The following DLGAP2 variants were observed in gnomAD, a reference collection of about 807,000 sequenced individuals.
DLGAP2 encodes the protein DLG associated protein 2.
DLGAP2 carries 26 observed loss-of-function variants against 100.3 expected under a neutral mutation model. The ratio of observed to expected loss-of-function variants is 0.26; its 90% CI spans 0.19 to 0.36. The LOEUF is 0.36. DLGAP2 is among the 10% of genes least tolerant of loss of function. DLGAP2 has a pLI of 1.00. For missense variants in DLGAP2, 1,858 were observed against 1,453.2 expected, an observed-to-expected ratio of 1.28 and a Z score of -4.53; for synonymous variants, 886 against 630.1, an observed-to-expected ratio of 1.41 and a Z score of -6.08.
At chr8:794,935 T>A (rs1308333888) in intron 1 of DLGAP2, among the ~76,000 whole-genome samples, 1 of 152,142 alleles carries the variant, frequency 6.6e-6, no homozygotes, top group Non-Finnish European at 1.5e-5. Context: ...GAGCTGCCAT[T>A]TGTGTTATGC....
chr8:1,161,988 T>A (rs891553095), intron 2 of DLGAP2, among the ~76,000 whole-genome samples: 1 of 152,222 alleles, frequency 6.6e-6, no homozygotes, highest in African/African-American at 2.4e-5. Context: ...CCTGCTAGAA[T>A]GCAGGTGCCT....
chr8:1,606,366 T>C (rs1796799081), intron 6 of DLGAP2, among the ~76,000 whole-genome samples: 1 of 152,164 alleles, frequency 6.6e-6, no homozygotes, highest in Non-Finnish European at 1.5e-5. Context: ...TTTTAGAACA[T>C]AAACTTTACA....
intron 2 of DLGAP2, among the ~76,000 whole-genome samples, chr8:1,218,990 T>C (rs1256722862): frequency 1.3e-5 from 2 of 152,208 alleles, no homozygotes; most frequent in Non-Finnish European, 2.9e-5. Context: ...CCTGAGACTT[T>C]ACTGAAGTTT....
intron 2 of DLGAP2, among the ~76,000 whole-genome samples, chr8:957,197 G>A (rs947141368): frequency 2.6e-5 from 4 of 152,320 alleles, no homozygotes; most frequent in African/African-American, 7.2e-5. Flanking sequence ...GATGGATAAC[G>A]GCAAGAGCTG....
chr8:751,337 A>G (rs368832230), intron 1 of DLGAP2, among the ~76,000 whole-genome samples: 25 of 150,164 alleles, frequency 1.7e-4, no homozygotes, highest in African/African-American at 5.8e-4. Context: ...ATTTTCCTGG[A>G]TCTCCGGCCA....
At chr8:1,255,065 TGCCCGGCC>T (rs1799157843) in intron 2 of DLGAP2, among the ~76,000 whole-genome samples, 1 of 142,324 alleles carries the variant, frequency 7.0e-6, no homozygotes, top group African/African-American at 2.6e-5. Flanking sequence ...CCTCTCATCC[TGCCCGGCC>T]GCTGTGTGTG....
chr8:1,570,087 G>T (rs1272313900), intron 6 of DLGAP2, among the ~76,000 whole-genome samples: 1 of 152,246 alleles, frequency 6.6e-6, no homozygotes, highest in African/African-American at 2.4e-5. Flanking sequence ...ACAAGGGCAC[G>T]CTGAGCTGTA....
chr8:826,365 G>A (rs1199013334), intron 1 of DLGAP2, among the ~76,000 whole-genome samples: 1 of 152,134 alleles, frequency 6.6e-6, no homozygotes, highest in East Asian at 1.9e-4. Context: ...TTGTGTTTAT[G>A]TTCCCTGCTT....
chr8:1,488,378 T>C (rs1799284737), intron 3 of DLGAP2, among the ~76,000 whole-genome samples: 1 of 152,136 alleles, frequency 6.6e-6, no homozygotes, highest in Admixed American at 6.5e-5. Flanking sequence ...AGGTCTCTTT[T>C]CCAAGCTCAG....
chr8:1,588,531 G>A (rs1160841242), intron 6 of DLGAP2, among the ~76,000 whole-genome samples: 3 of 152,062 alleles, frequency 2.0e-5, no homozygotes, highest in Non-Finnish European at 2.9e-5. Flanking sequence ...CATTCGGTAA[G>A]TAAATATGTA....
At chr8:1,457,149 G>A (rs998160645) in intron 3 of DLGAP2, among the ~76,000 whole-genome samples, 1 of 152,166 alleles carries the variant, frequency 6.6e-6, no homozygotes, top group Non-Finnish European at 1.5e-5. Flanking sequence ...CTATATTCAA[G>A]CAGATGAAAT....
At position 960,237 on chromosome 8, in the gene DLGAP2, C is replaced by CTTTTTTTTTTTTTTTTTTTTTTTTTTTTT. The variant is rs71528625; in HGVS notation, c.73+52286_73+52287insTTTTTTTTTTTTTTTTTTTTTTTTTTTTT. On this transcript the variant is annotated intron_variant, in intron 2 of 14. Coordinates refer to ENST00000637795, the MANE Select transcript of DLGAP2 (RefSeq NM_001346810.2). Reference sequence around the variant, plus strand: ...TTGGGCAATTATTCCTGAAGTATATCTTTTTTTTTTTTTTTCCCGAGACAC... The same window carrying CTTTTTTTTTTTTTTTTTTTTTTTTTTTTT: ...TTGGGCAATTATTCCTGAAGTATATCTTTTTTTTTTTTTTTTTTTTTTTTTTTTTTTTTTTTTTTTTTTTCCCGAGACAC... Among the ~76,000 whole-genome samples, 9 of 44,652 alleles carry CTTTTTTTTTTTTTTTTTTTTTTTTTTTTT rather than the reference C, an allele frequency of 2.0e-4. 1 individual carries two copies. The highest frequency in any genetic ancestry group is 7.8e-4 in the East Asian group (1 of 1,290). 29.3% of individuals were successfully genotyped at this position (44,652 alleles called of 152,430 possible).
intron 2 of DLGAP2, among the ~76,000 whole-genome samples, chr8:960,208 A>G (rs1450956932): frequency 7.6e-6 from 1 of 131,236 alleles, no homozygotes; most frequent in African/African-American, 3.0e-5. Context: ...TTTATTTCCA[A>G]GTTTTGGGCA....
chr8:1,667,286 A>G (rs1798568362), intron 8 of DLGAP2, among the ~76,000 whole-genome samples: 1 of 152,172 alleles, frequency 6.6e-6, no homozygotes. Flanking sequence ...CATTTTTGGT[A>G]GGTTCTAAGA....
At chr8:1,598,749 C>T (rs1049042933) in intron 6 of DLGAP2, among the ~76,000 whole-genome samples, 1 of 151,832 alleles carries the variant, frequency 6.6e-6, no homozygotes, top group Non-Finnish European at 1.5e-5. Flanking sequence ...TTTGATTGTT[C>T]TCTGTTTTCT....
rs186021635 is a variant in DLGAP2, at chr8:1,374,934, G to T, written c.106+116051G>T. Among the ~76,000 whole-genome samples, 21 of 152,130 alleles carry T rather than the reference G, an allele frequency of 1.4e-4. No individual in the cohort carries two copies. In the East Asian group the frequency reaches 4.1e-3, roughly 29 times the overall value. Reference sequence around the variant, plus strand: ...TCCCAAGCCCAATACGACAGCCAGGGCATTGTCCTCACTGACAGCAGGTGG... The same window carrying T: ...TCCCAAGCCCAATACGACAGCCAGGTCATTGTCCTCACTGACAGCAGGTGG... On this transcript the variant is annotated intron_variant, in intron 3 of 14. Coordinates refer to ENST00000637795, the MANE Select transcript of DLGAP2 (RefSeq NM_001346810.2).
chr8:1,625,891 GAC>G (rs1369865614), intron 6 of DLGAP2, among the ~76,000 whole-genome samples: 1 of 152,086 alleles, frequency 6.6e-6, no homozygotes, highest in Non-Finnish European at 1.5e-5. Context: ...TACTCATCAA[GAC>G]ACAGACATTC....
chr8:1,127,557 G>A (rs1796196464), intron 2 of DLGAP2, among the ~76,000 whole-genome samples: 1 of 152,182 alleles, frequency 6.6e-6, no homozygotes, highest in Non-Finnish European at 1.5e-5. Flanking sequence ...TGACCCTCCT[G>A]CATCCGATGG....
At chr8:1,459,829 G>C (rs976191253) in intron 3 of DLGAP2, among the ~76,000 whole-genome samples, 8 of 151,860 alleles carry the variant, frequency 5.3e-5, no homozygotes, top group African/African-American at 1.9e-4. Context: ...GGAATTGCAG[G>C]TGCGCACCAC....
Sources: allele counts gnomAD v4.1 joint callset (sites outside exome capture counted in the v4.1 genomes callset), GRCh38; gene constraint gnomAD v4.1.1; transcripts MANE v1.5; gene names NCBI Gene and HGNC (gene_info 2026-07-23, HGNC 2026-07-21).